The following IGF1 variants were observed in gnomAD, a reference collection of about 807,000 sequenced individuals.
IGF1 encodes the protein insulin like growth factor 1.
IGF1 carries 4 observed loss-of-function variants against 13.8 expected under a neutral mutation model. That is an observed-to-expected ratio of 0.29 (90% CI 0.14 to 0.66). IGF1 has a LOEUF of 0.66. Ranked by LOEUF, IGF1 falls within the 30% of genes least tolerant of loss-of-function variation. The probability of loss-of-function intolerance (pLI) is 0.78; values close to 1 mark genes in which losing one functional copy is unlikely to be tolerated. For synonymous variants in IGF1, 76 were observed against 72.6 expected (o/e 1.05, Z -0.23); for missense variants, 124 against 188.5 (o/e 0.66, Z 2.00).
At chr12:102,475,960 G>A (rs1240104810) in intron 1 of IGF1, among the ~76,000 whole-genome samples, 161 bp from the exon 2 acceptor site, 2 of 152,204 alleles carry the variant, frequency 1.3e-5, no homozygotes, top group Non-Finnish European at 2.9e-5. Context: ...AGAGGGAGTT[G>A]TGGATGGAGC....
intron 1 of IGF1, among the ~76,000 whole-genome samples, chr12:102,479,976 GA>G (rs5800512): frequency 5.3e-5 from 8 of 149,878 alleles, no homozygotes; most frequent in South Asian, 2.1e-4. Flanking sequence ...ACCTGCAAAA[GA>G]AAAAAAAAAT....
intron 1 of IGF1, among the ~76,000 whole-genome samples, chr12:102,478,286 A>G (rs957773587): frequency 1.3e-5 from 2 of 152,150 alleles, no homozygotes; most frequent in Non-Finnish European, 2.9e-5. Flanking sequence ...TAGAAAAAAA[A>G]GGGAAGAATC....
chr12:102,424,324 A>G lies in IGF1; in HGVS notation c.221-4634T>C, dbSNP rs558485191. 2.6e-5 allele frequency among the ~76,000 whole-genome samples: 4 copies of G among 151,858 alleles called. No homozygotes were observed. The South Asian group carries it at 8.3e-4, about 32-fold the overall frequency. The stretch of plus-strand genomic sequence containing the variant: ...GGCTATTTCTAGAAAATGTTCAATT[A>G]TATGTCTGATAAAAAACACAAATGA... On this transcript the variant is annotated intron_variant, in intron 2 of 3. Transcript: ENST00000337514.
chr12:102,402,932 C>T (rs1873810204), intron 3 of IGF1, among the ~76,000 whole-genome samples: 1 of 152,184 alleles, frequency 6.6e-6, no homozygotes, highest in Non-Finnish European at 1.5e-5. Context: ...AAATCAATCA[C>T]ATTCTGGATT....
intron 2 of IGF1, among the ~76,000 whole-genome samples, chr12:102,453,601 A>T (rs1377930108): frequency 1.3e-5 from 2 of 152,242 alleles, no homozygotes; most frequent in African/African-American, 4.8e-5. Context: ...GAGGCCTCTA[A>T]CAGGGAAAGA....
intron 2 of IGF1, among the ~76,000 whole-genome samples, chr12:102,449,993 C>T (rs1422372115): frequency 6.6e-6 from 1 of 152,070 alleles, no homozygotes; most frequent in Non-Finnish European, 1.5e-5. Flanking sequence ...TCAAGAAGTG[C>T]TCAGACATGT....
chr12:102,410,463 A>G (rs977696085), intron 3 of IGF1, among the ~76,000 whole-genome samples: 2 of 152,252 alleles, frequency 1.3e-5, no homozygotes, highest in African/African-American at 4.8e-5. Flanking sequence ...GTGAAACACC[A>G]GATTCTAGCA....
In IGF1 at chr12:102,439,744, G is replaced by A. The variant is rs150097336; in HGVS notation, c.221-20054C>T. 3.2e-4 allele frequency among the ~76,000 whole-genome samples: 48 copies of A among 152,052 alleles called. No homozygotes were observed. In the East Asian group the frequency reaches 8.9e-3, roughly 28 times the overall value. The stretch of plus-strand genomic sequence containing the variant: ...AAAAAAAAAAAAAAAGATTAACTGG[G>A]TGGAAAATGAAGTTAAGATCTAGCC... On this transcript the variant is annotated intron_variant, in intron 2 of 3. Transcript: ENST00000337514.
intron 2 of IGF1, among the ~76,000 whole-genome samples, chr12:102,433,358 T>C (rs1876917128): frequency 6.6e-6 from 1 of 152,186 alleles, no homozygotes; most frequent in Non-Finnish European, 1.5e-5. Context: ...TCAGGGTAAC[T>C]GTAACAAACT....
At chr12:102,404,763 G>GT (rs5800510) in intron 3 of IGF1, among the ~76,000 whole-genome samples, 131,349 of 145,012 alleles carry the variant, frequency 0.91, 59,592 homozygotes, top group East Asian at 0.99. Flanking sequence ...TTTTTTTGTT[G>GT]TTTTTTTTTT....
chr12:102,427,710 G>A (rs538678260), intron 2 of IGF1, among the ~76,000 whole-genome samples: 10 of 152,256 alleles, frequency 6.6e-5, no homozygotes, highest in East Asian at 1.9e-4. Flanking sequence ...AGAGGCATCC[G>A]GGCCTGCATC....
At chr12:102,480,625 G>C (rs971279746), upstream of IGF1, 15 of 1,353,290 alleles carry the variant, frequency 1.1e-5, no homozygotes, top group Non-Finnish European at 1.3e-5. Context: ...ACAGGAAACA[G>C]CTGGGGGAAC....
chr12:102,430,394 G>A (rs1426596001), intron 2 of IGF1, among the ~76,000 whole-genome samples: 1 of 152,152 alleles, frequency 6.6e-6, no homozygotes, highest in Non-Finnish European at 1.5e-5. Context: ...TTAACTGGAT[G>A]CCTGTTTATA....
intron 3 of IGF1, chr12:102,418,032 G>T (rs763752820): frequency 1.2e-6 from 2 of 1,602,188 alleles, no homozygotes; most frequent in Admixed American, 1.8e-5. Context: ...TAATTGCATT[G>T]AGAACAAGTG....
At chr12:102,409,581 A>G (rs1262277052) in intron 3 of IGF1, among the ~76,000 whole-genome samples, 1 of 152,200 alleles carries the variant, frequency 6.6e-6, no homozygotes, top group Non-Finnish European at 1.5e-5. Flanking sequence ...GCCATCTCAT[A>G]CAAGTGACAG....
intron 2 of IGF1, among the ~76,000 whole-genome samples, chr12:102,465,390 T>C (rs1442496341): frequency 6.6e-6 from 1 of 152,178 alleles, no homozygotes; most frequent in Non-Finnish European, 1.5e-5. Flanking sequence ...CGATAAGCTA[T>C]GTAAGGCTCA....
chr12:102,471,045 G>C (rs1880654789), intron 2 of IGF1, among the ~76,000 whole-genome samples: 1 of 152,154 alleles, frequency 6.6e-6, no homozygotes, highest in Admixed American at 6.5e-5. Flanking sequence ...CAAAAGACCT[G>C]CATGTATTTG....
chr12:102,476,983 A>G (rs2137282497), intron 1 of IGF1, among the ~76,000 whole-genome samples: 1 of 152,326 alleles, frequency 6.6e-6, no homozygotes, highest in East Asian at 1.9e-4. Context: ...TACTTTCAGC[A>G]TCATGGGAAG....
At chr12:102,478,676 T>G (rs1313034382) in intron 1 of IGF1, 9 of 1,354,692 alleles carry the variant, frequency 6.6e-6, no homozygotes, top group South Asian at 2.2e-5. Flanking sequence ...GTAAACTGCC[T>G]TTTGTCCATT....
Sources: gnomAD v4.1 joint callset for allele counts (sites outside exome capture counted in the v4.1 genomes callset) on GRCh38, gnomAD v4.1.1 for gene constraint, MANE v1.5 for transcripts, NCBI Gene and HGNC (gene_info 2026-07-23, HGNC 2026-07-21) for gene names.